The following ERBB4 variants were observed in gnomAD, a reference collection of about 807,000 sequenced individuals.
ERBB4 encodes receptor tyrosine-protein kinase erbB-4.
In ERBB4, 42 loss-of-function variants were observed where a neutral mutation model predicts 158.0. The observed-to-expected ratio is 0.27, with a 90% confidence interval of 0.21 to 0.34. The LOEUF is 0.34. Ranked by LOEUF, ERBB4 falls within the 10% of genes least tolerant of loss-of-function variation. ERBB4 has a pLI of 1.00. For synonymous variants in ERBB4, 583 were observed against 558.7 expected (o/e 1.04, Z -0.61); for missense variants, 1,333 against 1,624.1 (o/e 0.82, Z 3.08).
At chr2:212,308,507 C>A (rs925762324) in intron 1 of ERBB4, among the ~76,000 whole-genome samples, 1 of 150,948 alleles carries the variant, frequency 6.6e-6, no homozygotes, top group Non-Finnish European at 1.5e-5. Flanking sequence ...TCTGAAGAAG[C>A]TTTAAAAGAC....
At chr2:212,289,130 A>G (rs1029045167) in intron 1 of ERBB4, among the ~76,000 whole-genome samples, 2 of 152,192 alleles carry the variant, frequency 1.3e-5, no homozygotes, top group African/African-American at 4.8e-5. Flanking sequence ...ATAATTCGTC[A>G]TATACTATAA....
At chr2:212,269,274 C>A (rs1291022611) in intron 1 of ERBB4, among the ~76,000 whole-genome samples, 1 of 151,830 alleles carries the variant, frequency 6.6e-6, no homozygotes, top group East Asian at 1.9e-4. Context: ...TTACTCACAT[C>A]CCCAGGAAGC....
At chr2:212,005,721 C>G (rs900508857) in intron 2 of ERBB4, among the ~76,000 whole-genome samples, 2 of 152,114 alleles carry the variant, frequency 1.3e-5, no homozygotes, top group African/African-American at 4.8e-5. Flanking sequence ...ATAAAAGTAG[C>G]TCAAGCATTA....
chr2:212,023,087 T>C (rs934179271), intron 2 of ERBB4, among the ~76,000 whole-genome samples: 1 of 152,118 alleles, frequency 6.6e-6, no homozygotes, highest in Non-Finnish European at 1.5e-5. Flanking sequence ...TGTCATGGAA[T>C]ATCTGCCTAG....
chr2:212,461,801 A>C (rs989485217), intron 1 of ERBB4, among the ~76,000 whole-genome samples: 2 of 152,178 alleles, frequency 1.3e-5, no homozygotes, highest in African/African-American at 4.8e-5. Flanking sequence ...GAGATAACTC[A>C]GTCATGGGGG....
chr2:212,334,314 C>T (rs1466298148), intron 1 of ERBB4, among the ~76,000 whole-genome samples: 1 of 151,972 alleles, frequency 6.6e-6, no homozygotes, highest in African/African-American at 2.4e-5. Context: ...CTTTATACCA[C>T]TAAACTGTAA....
chr2:211,658,351 G>A (rs1338573964), intron 15 of ERBB4, among the ~76,000 whole-genome samples: 1 of 151,594 alleles, frequency 6.6e-6, no homozygotes, highest in South Asian at 2.1e-4. Context: ...TCTTGTGTAT[G>A]GTTTCTTCTT....
At chr2:211,458,188 C>T (rs915800385) in intron 20 of ERBB4, among the ~76,000 whole-genome samples, 5 of 149,008 alleles carry the variant, frequency 3.4e-5, no homozygotes, top group Non-Finnish European at 7.4e-5. Flanking sequence ...GCCCAGCAAC[C>T]ATGCACATGC....
chr2:211,965,573 T>C (rs1224968575), intron 2 of ERBB4, among the ~76,000 whole-genome samples: 1 of 152,142 alleles, frequency 6.6e-6, no homozygotes, highest in Non-Finnish European at 1.5e-5. Flanking sequence ...AGTTGTTATA[T>C]ACACAATTTT....
chr2:211,829,757 C>T (rs1470745565), intron 3 of ERBB4, among the ~76,000 whole-genome samples: 1 of 152,094 alleles, frequency 6.6e-6, no homozygotes, highest in Non-Finnish European at 1.5e-5. Context: ...TCCTTCATTG[C>T]CTTTAAAGCT....
At chr2:211,738,894 C>T (rs1368874981) in intron 5 of ERBB4, among the ~76,000 whole-genome samples, 1 of 152,050 alleles carries the variant, frequency 6.6e-6, no homozygotes, top group Non-Finnish European at 1.5e-5. Context: ...CTGCCTTGGC[C>T]TCCTAAAATG....
chr2:211,636,122 A>C (rs546465880), intron 16 of ERBB4, among the ~76,000 whole-genome samples: 1 of 152,146 alleles, frequency 6.6e-6, no homozygotes, highest in African/African-American at 2.4e-5. Context: ...TTTTTAAAAA[A>C]AAAGTATATA....
intron 2 of ERBB4, among the ~76,000 whole-genome samples, chr2:211,971,423 C>T (rs771027422): frequency 2.6e-5 from 4 of 152,092 alleles, no homozygotes; most frequent in African/African-American, 9.7e-5. Context: ...AAATATCCTA[C>T]AAGCAAAACA....
Position 212,382,576 on chromosome 2 carries a change from T to C in ERBB4, c.82+155873A>G, listed in dbSNP as rs75960268. Reference sequence around the variant, plus strand: ...AATTTATATGTATATTTTCCCTGAATTTCTGAATCTTTCCTCAGGAATGAT... The same window carrying C: ...AATTTATATGTATATTTTCCCTGAACTTCTGAATCTTTCCTCAGGAATGAT... On this transcript the variant is annotated intron_variant, in intron 1 of 27. Transcript: ENST00000342788. Among the ~76,000 whole-genome samples, 1,312 of 151,082 alleles carry C rather than the reference T, an allele frequency of 8.7e-3. 18 individuals are homozygous for C. Among genetic ancestry groups the C allele is most frequent in the African/African-American group, 0.03 (1,257 of 41,436 alleles).
intron 2 of ERBB4, among the ~76,000 whole-genome samples, chr2:211,975,106 C>T (rs1385441686): frequency 6.6e-6 from 1 of 152,072 alleles, no homozygotes; most frequent in Admixed American, 6.5e-5. Context: ...CCTCAGTCTC[C>T]TGAGTAGCTG....
rs553000658 is a variant in ERBB4, at chr2:211,465,235, G to A, written c.2488-34135C>T. Among the ~76,000 whole-genome samples, 6 of 152,050 alleles carry A rather than the reference G, an allele frequency of 3.9e-5. No homozygotes were observed. In the East Asian group the frequency reaches 5.8e-4, roughly 15 times the overall value. ...GAAAAACCACGTGGAGGATTCGCAG[G>A]TAGGTGAGAGGCTATCTTGAATATT... On this transcript the variant is annotated intron_variant, in intron 20 of 27. Coordinates refer to ENST00000342788, the MANE Select transcript of ERBB4 (RefSeq NM_005235.3).
At chr2:211,647,975 T>A (rs754139916) in intron 16 of ERBB4, among the ~76,000 whole-genome samples, 1 of 151,778 alleles carries the variant, frequency 6.6e-6, no homozygotes, top group Non-Finnish European at 1.5e-5. Context: ...ATACAAATTA[T>A]GGAGTATTCT....
At chr2:211,997,049 CAGA>C (rs924917185) in intron 2 of ERBB4, among the ~76,000 whole-genome samples, 20 of 152,230 alleles carry the variant, frequency 1.3e-4, no homozygotes, top group African/African-American at 4.6e-4. Flanking sequence ...GAAATAGAAA[CAGA>C]AGGTCTGCAA....
intron 1 of ERBB4, among the ~76,000 whole-genome samples, chr2:212,513,091 T>C (rs1294457605): frequency 6.6e-6 from 1 of 152,222 alleles, no homozygotes; most frequent in Non-Finnish European, 1.5e-5. Flanking sequence ...CAGACTTTAG[T>C]TATACTAAGT....
Sources: gnomAD v4.1 joint callset for allele counts (sites outside exome capture counted in the v4.1 genomes callset) on GRCh38, gnomAD v4.1.1 for gene constraint, MANE v1.5 for transcripts, NCBI Gene and HGNC (gene_info 2026-07-23, HGNC 2026-07-21) for gene names.